The following ZNF362 variants were observed in gnomAD, a reference collection of about 807,000 sequenced individuals.
ZNF362 encodes the protein rotund homolog.
A neutral mutation model predicts 42.9 loss-of-function variants in ZNF362; 11 were observed. That is an observed-to-expected ratio of 0.26 (90% CI 0.16 to 0.42). The LOEUF (loss-of-function observed/expected upper bound fraction) is 0.42. Ranked by LOEUF, ZNF362 falls within the 20% of genes least tolerant of loss-of-function variation. The probability of loss-of-function intolerance (pLI) is 1.00; values close to 1 mark genes in which losing one functional copy is unlikely to be tolerated. For synonymous variants in ZNF362, 255 were observed against 257.3 expected (o/e 0.99, Z 0.09); for missense variants, 362 against 576.2 (o/e 0.63, Z 3.81).
chr1:33,276,888 T>C (rs1302206166), intron 4 of ZNF362, among the ~76,000 whole-genome samples: 1 of 152,188 alleles, frequency 6.6e-6, no homozygotes, highest in African/African-American at 2.4e-5. Flanking sequence ...ACTTTGGAAA[T>C]CACGAGATTC....
chr1:33,254,341 C>T (rs1645774120), upstream of ZNF362, among the ~76,000 whole-genome samples: 1 of 152,158 alleles, frequency 6.6e-6, no homozygotes, highest in Admixed American at 6.5e-5. Flanking sequence ...TCAGGCTGGT[C>T]TTAAAGTCTG....
Position 33,285,635 on chromosome 1 carries a change from T to C in ZNF362, c.908+3824T>C, listed in dbSNP as rs1030681163. Among the ~76,000 whole-genome samples the C allele has an allele frequency of 2.2e-4, 34 of 152,240 alleles. 1 individual carries two copies. Among genetic ancestry groups the C allele is most frequent in the African/African-American group, 8.2e-4 (34 of 41,456 alleles). On this transcript the variant is annotated intron_variant, in intron 6 of 8. Transcript: ENST00000539719. ...AAGTGCACAAGAACATATTATATGT[T>C]ATACATATTATATGTTTATGTATGT...
In ZNF362 at chr1:33,281,384, C is replaced by T. The variant is rs961746749; in HGVS notation, c.684-203C>T. Reference sequence around the variant, plus strand: ...TATGCTCCAGGCTCTGTAATGTTCCCCCAGGCAAGAGCTTCCTCCTCCAGA... The same window carrying T: ...TATGCTCCAGGCTCTGTAATGTTCCTCCAGGCAAGAGCTTCCTCCTCCAGA... On this transcript the variant is annotated intron_variant, in intron 5 of 8. Transcript: ENST00000539719. This position sits in a 1 kb window ranked among gnomAD's most constrained non-coding sequence, Gnocchi z 4.8. Among the ~76,000 whole-genome samples the T allele has an allele frequency of 1.3e-5, 2 of 152,118 alleles. No individual in the cohort carries two copies. The highest frequency in any genetic ancestry group is 4.8e-5 in the African/African-American group (2 of 41,420).
chr1:33,293,666 T>TG (rs1646095798), intron 6 of ZNF362, among the ~76,000 whole-genome samples: 1 of 152,260 alleles, frequency 6.6e-6, no homozygotes, highest in South Asian at 2.1e-4. Flanking sequence ...CAGGCCCAGC[T>TG]GGCATTTCAT....
chr1:33,144,135 C>CT, the ZNF362 span, among the ~76,000 whole-genome samples: 2,714 of 146,124 alleles, frequency 0.019, 104 homozygotes, highest in African/African-American at 0.063. Flanking sequence ...AATGTTACTT[C>CT]TTTTTTTTTT....
At chr1:33,254,315 G>A (rs1645773974), upstream of ZNF362, among the ~76,000 whole-genome samples, 1 of 151,980 alleles carries the variant, frequency 6.6e-6, no homozygotes, top group Admixed American at 6.6e-5. Context: ...GTAGAGATGG[G>A]GTTTCACCAC....
the ZNF362 span, among the ~76,000 whole-genome samples, chr1:33,198,428 G>A: frequency 6.6e-6 from 1 of 152,168 alleles, no homozygotes; most frequent in Admixed American, 6.5e-5. Flanking sequence ...CACTTTGTAA[G>A]GCCAAGGTGG....
the ZNF362 span, among the ~76,000 whole-genome samples, chr1:33,189,649 A>ATG: frequency 1.2e-4 from 2 of 16,196 alleles, no homozygotes; most frequent in East Asian, 1.2e-3. Context: ...ATATATATAT[A>ATG]TATATATATA....
the ZNF362 span, among the ~76,000 whole-genome samples, chr1:33,213,625 T>C: frequency 6.6e-6 from 1 of 152,180 alleles, no homozygotes; most frequent in East Asian, 1.9e-4. Flanking sequence ...GGCGGGTGGA[T>C]CACGATGTCA....
intron 1 of ZNF362, among the ~76,000 whole-genome samples, chr1:33,258,503 C>A (rs928405235): frequency 6.6e-6 from 1 of 152,094 alleles, no homozygotes; most frequent in Non-Finnish European, 1.5e-5. Context: ...CAGAGGGTAC[C>A]AAGCCAGGTG....
At chr1:33,290,553 A>T (rs1646070244) in intron 6 of ZNF362, among the ~76,000 whole-genome samples, 1 of 152,108 alleles carries the variant, frequency 6.6e-6, no homozygotes, top group African/African-American at 2.4e-5. Flanking sequence ...TAGCAGCAGG[A>T]TTTATAATCC....
chr1:33,166,523 T>C, the ZNF362 span, among the ~76,000 whole-genome samples: 1 of 152,116 alleles, frequency 6.6e-6, no homozygotes, highest in Non-Finnish European at 1.5e-5. Context: ...ATTAAATCAT[T>C]TGGGCCTCTC....
chr1:33,180,681 C>G, the ZNF362 span, among the ~76,000 whole-genome samples: 1 of 152,226 alleles, frequency 6.6e-6, no homozygotes, highest in Admixed American at 6.5e-5. Flanking sequence ...GTCCACAACC[C>G]TGCCCCAGCC....
chr1:33,283,293 TG>T (rs1646009964), intron 6 of ZNF362, among the ~76,000 whole-genome samples: 1 of 152,182 alleles, frequency 6.6e-6, no homozygotes, highest in South Asian at 2.1e-4. Context: ...TTGCTTTTTT[TG>T]TTTTTGTCAT....
At chr1:33,204,878 C>T in the ZNF362 span, among the ~76,000 whole-genome samples, 16 of 151,930 alleles carry the variant, frequency 1.1e-4, no homozygotes, top group East Asian at 3.8e-4. Flanking sequence ...TAGCAACAAA[C>T]GATCAGAAAT....
At chr1:33,232,953 C>T in the ZNF362 span, among the ~76,000 whole-genome samples, 3 of 152,214 alleles carry the variant, frequency 2.0e-5, no homozygotes, top group Non-Finnish European at 4.4e-5. Flanking sequence ...ATTTCTTCCA[C>T]TGAATAACTA....
intron 6 of ZNF362, among the ~76,000 whole-genome samples, chr1:33,287,332 A>T (rs1646039966): frequency 6.6e-6 from 1 of 152,218 alleles, no homozygotes; most frequent in South Asian, 2.1e-4. Flanking sequence ...ACAGAAAATT[A>T]AAAAGTTAGC....
chr1:33,213,435 CAGA>C, the ZNF362 span, among the ~76,000 whole-genome samples: 2 of 152,070 alleles, frequency 1.3e-5, no homozygotes, highest in African/African-American at 4.8e-5. Context: ...GAAAAAATCC[CAGA>C]AGAAGGGTGG....
chr1:33,196,603 T>C, the ZNF362 span, among the ~76,000 whole-genome samples: 2 of 152,176 alleles, frequency 1.3e-5, no homozygotes, highest in African/African-American at 4.8e-5. Context: ...CCAGAGGTTG[T>C]TTTGCAGTTA....
Sources: gnomAD v4.1 joint callset for allele counts (sites outside exome capture counted in the v4.1 genomes callset) on GRCh38, gnomAD v4.1.1 for gene constraint, Gnocchi (gnomAD v3.1) non-coding constraint, MANE v1.5 for transcripts, NCBI Gene and HGNC (gene_info 2026-07-23, HGNC 2026-07-21) for gene names.